KAT2B: variants seen among roughly 807,000 people sequenced by gnomAD.
KAT2B encodes the protein lysine acetyltransferase 2B.
A neutral mutation model predicts 105.9 loss-of-function variants in KAT2B; 36 were observed. The ratio of observed to expected loss-of-function variants is 0.34; its 90% confidence interval spans 0.26 to 0.45. KAT2B has a LOEUF of 0.45. Ranked by LOEUF, KAT2B falls within the 20% of genes least tolerant of loss-of-function variation. KAT2B has a pLI of 1.00. For missense variants in KAT2B, 820 were observed against 1,021.6 expected (o/e 0.80, Z 2.69); for synonymous variants, 397 against 377.9 (o/e 1.05, Z -0.59).
intron 1 of KAT2B, among the ~76,000 whole-genome samples, chr3:20,058,596 C>G (rs1416932227): frequency 6.6e-6 from 1 of 152,122 alleles, no homozygotes; most frequent in Non-Finnish European, 1.5e-5. Flanking sequence ...GATCCCCACC[C>G]TGTATACTTT....
intron 1 of KAT2B, among the ~76,000 whole-genome samples, chr3:20,064,010 C>G (rs1575112280): frequency 6.6e-6 from 1 of 152,248 alleles, no homozygotes; most frequent in Non-Finnish European, 1.5e-5. Flanking sequence ...GCACACTTGT[C>G]AAAATCATTT....
chr3:20,074,171 CAAATT>C (rs2125182513), intron 2 of KAT2B, among the ~76,000 whole-genome samples: 1 of 152,270 alleles, frequency 6.6e-6, no homozygotes, highest in East Asian at 1.9e-4. Context: ...GATGTGCCCT[CAAATT>C]AAACTAAAAG....
chr3:20,040,888 C>G, intron 1 of KAT2B, 108 bp downstream of exon 1: 1 of 1,323,124 alleles, frequency 7.6e-7, no homozygotes, highest in Non-Finnish European at 9.9e-7. Context: ...TGCCTCTCGC[C>G]TCCCGCCTGG....
intron 8 of KAT2B, among the ~76,000 whole-genome samples, chr3:20,122,370 A>G (rs1221691001): frequency 6.6e-6 from 1 of 152,222 alleles, no homozygotes; most frequent in African/African-American, 2.4e-5. Flanking sequence ...GTACTAACAA[A>G]CAATAGCTAG....
chr3:20,056,776 T>C (rs1698010517), intron 1 of KAT2B, among the ~76,000 whole-genome samples: 1 of 152,222 alleles, frequency 6.6e-6, no homozygotes, highest in Non-Finnish European at 1.5e-5. Context: ...CAAGGTATTT[T>C]AGAATGCCAC....
rs552577841 is a variant in KAT2B at position 20,056,916 on chromosome 3, A to G, written c.304-15417A>G. 2.6e-5 allele frequency among the ~76,000 whole-genome samples: 4 copies of G among 152,302 alleles called. No homozygotes were observed. In the East Asian group the frequency reaches 7.7e-4, roughly 29 times the overall value. Reference sequence around the variant, plus strand: ...GTTGTTGGGAGGGGAACATAACATGATTTGGACTGCAATTGCCTTGGAAAG... The same window carrying G: ...GTTGTTGGGAGGGGAACATAACATGGTTTGGACTGCAATTGCCTTGGAAAG... On this transcript the variant is annotated intron_variant, in intron 1 of 17. Coordinates refer to ENST00000263754, the MANE Select transcript of KAT2B (RefSeq NM_003884.5).
At chr3:20,088,214 G>A (rs1698654825) in intron 2 of KAT2B, among the ~76,000 whole-genome samples, 1 of 152,170 alleles carries the variant, frequency 6.6e-6, no homozygotes, top group African/African-American at 2.4e-5. Flanking sequence ...CAGTGAATAT[G>A]GGAATGCAGA....
chr3:20,076,599 A>G (rs1002162015), intron 2 of KAT2B, among the ~76,000 whole-genome samples: 1 of 152,206 alleles, frequency 6.6e-6, no homozygotes, highest in African/African-American at 2.4e-5. Context: ...AGTTGAATGA[A>G]CTGCCTTGGA....
intron 6 of KAT2B, among the ~76,000 whole-genome samples, chr3:20,112,025 G>A (rs897194576): frequency 6.6e-6 from 1 of 152,102 alleles, no homozygotes; most frequent in Non-Finnish European, 1.5e-5. Flanking sequence ...CGTCCTACCT[G>A]AGTCATTGTC....
At chr3:20,040,921 T>G (rs961011063) in intron 1 of KAT2B, 141 bp downstream of exon 1, 1 of 1,053,240 alleles carries the variant, frequency 9.5e-7, no homozygotes, top group African/African-American at 1.7e-5. Context: ...GCGGAAGTGC[T>G]CTTGTCGCCC....
chr3:20,129,301 A>G (rs1230236133), intron 11 of KAT2B, among the ~76,000 whole-genome samples: 1 of 152,102 alleles, frequency 6.6e-6, no homozygotes, highest in Non-Finnish European at 1.5e-5. Context: ...AAGTATTAAT[A>G]TAACTGCAAC....
intron 9 of KAT2B, among the ~76,000 whole-genome samples, chr3:20,125,118 C>T (rs944284570): frequency 3.3e-5 from 5 of 151,988 alleles, no homozygotes; most frequent in Admixed American, 6.6e-5. Context: ...GTCAGGAGAT[C>T]GAGACCATCT....
rs1193273006 is a variant in KAT2B at position 20,153,787 on chromosome 3, T to C, written c.*1262T>C. 3.9e-5 allele frequency: 6 copies of C among 152,754 alleles called. No individual in the cohort carries two copies. The East Asian group carries it at 1.2e-3, about 29-fold the overall frequency. 9.5% of individuals were successfully genotyped at this position (152,754 alleles called of 1,614,324 possible). On this transcript the variant is annotated 3_prime_UTR_variant, in exon 18 of 18. Coordinates refer to ENST00000263754, the MANE Select transcript of KAT2B (RefSeq NM_003884.5). ...CACTAATTTTTATGATGCAAATTTA[T>C]ACACTGATTTTTGTAAAGGACAAAG... is the stretch of plus-strand genomic sequence containing the variant.
At chr3:20,059,807 C>G (rs1245092565) in intron 1 of KAT2B, among the ~76,000 whole-genome samples, 2 of 152,212 alleles carry the variant, frequency 1.3e-5, no homozygotes, top group Admixed American at 6.5e-5. Flanking sequence ...AAGAAATTGA[C>G]AAGTTGTACA....
rs1699782197 is a variant in KAT2B at position 20,146,306 on chromosome 3, T to C, written c.2005-10T>C. On this transcript the variant is annotated splice_polypyrimidine_tract_variant and intron_variant, in intron 13 of 17. Transcript: ENST00000263754. ...TTTCCCTAAACACATTTCCTTCCTGTGCTTTACAGATAATTAAAAAACTGA... is the reference window on the plus strand; with the variant it reads ...TTTCCCTAAACACATTTCCTTCCTGCGCTTTACAGATAATTAAAAAACTGA... 6.8e-7 allele frequency: 1 copy of C among 1,478,870 alleles called. No homozygotes were observed. Among genetic ancestry groups the C allele is most frequent in the African/African-American group, 1.4e-5 (1 of 72,380 alleles). 91.6% of individuals were successfully genotyped at this position (1,478,870 alleles called of 1,614,324 possible).
chr3:20,131,619 G>A lies in KAT2B; in HGVS notation c.1749+4070G>A, dbSNP rs368635967. On this transcript the variant is annotated intron_variant, in intron 11 of 17. Coordinates refer to ENST00000263754, the MANE Select transcript of KAT2B (RefSeq NM_003884.5). ...GTTTTGCTCTGTTGCCCAGGCTGGA[G>A]TGCAGTGGCATGATCACAGCTCCCT... Among the ~76,000 whole-genome samples the A allele has an allele frequency of 2.6e-5, 4 of 152,090 alleles. No homozygotes were observed. In the East Asian group the frequency reaches 5.8e-4, roughly 22 times the overall value.
chr3:20,042,677 C>A (rs1043139637), intron 1 of KAT2B, among the ~76,000 whole-genome samples: 1 of 152,310 alleles, frequency 6.6e-6, no homozygotes, highest in South Asian at 2.1e-4. Flanking sequence ...GTTCTCATCA[C>A]CAGCACCTCT....
At chr3:20,062,126 A>G (rs1435403473) in intron 1 of KAT2B, among the ~76,000 whole-genome samples, 1 of 76,262 alleles carries the variant, frequency 1.3e-5, no homozygotes, top group African/African-American at 6.0e-5. Flanking sequence ...TAAAACATAT[A>G]TATATAAAAT....
At chr3:20,093,350 G>A (rs1162406139) in intron 2 of KAT2B, among the ~76,000 whole-genome samples, 4 of 152,206 alleles carry the variant, frequency 2.6e-5, no homozygotes, top group African/African-American at 7.2e-5. Context: ...TCTGAAGAGT[G>A]AGGAAATGAG....
Sources: gnomAD v4.1 joint callset for allele counts (sites outside exome capture counted in the v4.1 genomes callset) on GRCh38, gnomAD v4.1.1 for gene constraint, MANE v1.5 for transcripts, NCBI Gene and HGNC (gene_info 2026-07-23, HGNC 2026-07-21) for gene names.